SH3PXD2A: variants seen among roughly 807,000 people sequenced by gnomAD.
SH3PXD2A encodes the protein SH3 and PX domains 2A.
Under a neutral mutation model 115.2 loss-of-function variants are expected in SH3PXD2A, and 32 were observed. The observed-to-expected ratio is 0.28, with a 90% confidence interval of 0.21 to 0.37. The LOEUF (loss-of-function observed/expected upper bound fraction) is 0.37, where lower values mean the gene tolerates loss of function less well. SH3PXD2A is among the 10% of genes least tolerant of loss of function. SH3PXD2A has a pLI of 1.00. For missense variants in SH3PXD2A, 1,328 were observed against 1,498.7 expected (o/e 0.89, Z 1.88); for synonymous variants, 610 against 629.1 (o/e 0.97, Z 0.45).
At chr10:103,832,783 C>T (rs563614711) in intron 1 of SH3PXD2A, among the ~76,000 whole-genome samples, 1 of 152,040 alleles carries the variant, frequency 6.6e-6, no homozygotes, top group South Asian at 2.1e-4. Context: ...AGGAGATATA[C>T]CTAATGTAAA....
At chr10:103,714,939 C>T (rs2038088685) in intron 5 of SH3PXD2A, among the ~76,000 whole-genome samples, 1 of 152,202 alleles carries the variant, frequency 6.6e-6, no homozygotes, top group South Asian at 2.1e-4. Flanking sequence ...TTGGGATGCC[C>T]TGGAGTTTCC....
At chr10:103,758,855 CT>C (rs2038669810) in intron 3 of SH3PXD2A, among the ~76,000 whole-genome samples, 1 of 152,158 alleles carries the variant, frequency 6.6e-6, no homozygotes, top group Non-Finnish European at 1.5e-5. Context: ...CCTATTTTTC[CT>C]TCTCCATCAC....
chr10:103,839,644 C>T (rs1007848409), intron 1 of SH3PXD2A, among the ~76,000 whole-genome samples: 7 of 151,588 alleles, frequency 4.6e-5, no homozygotes, highest in Non-Finnish European at 4.4e-5. Flanking sequence ...CCAGAGGCCA[C>T]GCAGCCCCTG....
intron 11 of SH3PXD2A, among the ~76,000 whole-genome samples, chr10:103,615,483 G>GGGGTGT (rs1237824774): frequency 4.7e-4 from 60 of 128,598 alleles, no homozygotes; most frequent in African/African-American, 9.7e-4. Context: ...AGAGTGCGAG[G>GGGGTGT]GTGTGTGTGT....
At chr10:103,777,465 G>T (rs1028974186) in intron 2 of SH3PXD2A, among the ~76,000 whole-genome samples, 3 of 152,278 alleles carry the variant, frequency 2.0e-5, no homozygotes, top group African/African-American at 7.2e-5. Flanking sequence ...GAGGCCTCTG[G>T]CTTTCCCAGC....
chr10:103,724,339 TG>T lies in SH3PXD2A; in HGVS notation c.328del (p.His110ThrfsTer47). 8 of 1,581,536 alleles carry T rather than the reference TG, an allele frequency of 5.1e-6. No homozygotes were observed. Among genetic ancestry groups the T allele is most frequent in the South Asian group, 1.2e-5 (1 of 85,696 alleles). ...GAAGACTTCGTCACACTGTGAGATG[TG>T]GGGGGGCAGCCGGACAAGTGCCTGT... Reference protein sequence around the residue: ...YCRALVRLPPHISQCDEVFRF... With the variant: ...YCRALVRLPPXISQCDEVFRF... On this transcript the variant is annotated frameshift_variant, in exon 5 of 15. Coordinates refer to ENST00000369774, the MANE Select transcript of SH3PXD2A (RefSeq NM_001394015.1). LOFTEE classifies it high-confidence loss of function.
At chr10:103,846,471 C>A (rs1842849584) in intron 1 of SH3PXD2A, among the ~76,000 whole-genome samples, 1 of 152,206 alleles carries the variant, frequency 6.6e-6, no homozygotes, top group African/African-American at 2.4e-5. Flanking sequence ...GGTGGCTGGG[C>A]AGGTGAACCT....
Position 103,677,043 on chromosome 10 carries a change from A to C in SH3PXD2A, c.428-8391T>G, listed in dbSNP as rs368863667. On this transcript the variant is annotated intron_variant, in intron 6 of 14. Transcript: ENST00000369774. Reference sequence around the variant, plus strand: ...GCTGGTCTCCAGCCCCGAGTCTTGCAATCCGCCTCCTCCCTGGCTCAGTCT... The same window carrying C: ...GCTGGTCTCCAGCCCCGAGTCTTGCCATCCGCCTCCTCCCTGGCTCAGTCT... Among the ~76,000 whole-genome samples, 8 of 152,158 alleles carry C rather than the reference A, an allele frequency of 5.3e-5. No individual in the cohort carries two copies. The East Asian group carries it at 9.6e-4, about 18-fold the overall frequency.
chr10:103,691,061 G>A (rs1418065487), intron 6 of SH3PXD2A, among the ~76,000 whole-genome samples: 1 of 152,176 alleles, frequency 6.6e-6, no homozygotes, highest in East Asian at 1.9e-4. Context: ...CAGAAGCTGA[G>A]CCCCAGAGAT....
At chr10:103,645,331 T>G (rs1444372845) in intron 8 of SH3PXD2A, among the ~76,000 whole-genome samples, 2 of 152,204 alleles carry the variant, frequency 1.3e-5, no homozygotes, top group Non-Finnish European at 2.9e-5. Flanking sequence ...TCCTGTGCGG[T>G]GACTCAGCCT....
At position 103,769,134 on chromosome 10, in the gene SH3PXD2A, CTGTGTGTGTGTGTGTGTGTGTGTGTG is replaced by C. The variant is rs67426639; in HGVS notation, c.154-1991_154-1966del. 4.4e-4 allele frequency among the ~76,000 whole-genome samples: 63 copies of C among 142,014 alleles called. 1 individual carries two copies. The highest frequency in any genetic ancestry group is 1.6e-3 in the African/African-American group (62 of 38,072). The allele number at this position is 142,014 out of a possible 152,430, so 93.2% of individuals were successfully genotyped here. A position where few individuals can be genotyped will look rare whatever the true frequency, so the allele number is the denominator to read the frequency against. On this transcript the variant is annotated intron_variant, in intron 2 of 14. Transcript: ENST00000369774. ...CTATAGCATGGTTCTAGGCTAGACT[CTGTGTGTGTGTGTGTGTGTGTGTGTG>C]TGTGTGTGTGTGTGTGTGTGTGCGC...
chr10:103,847,313 T>C (rs1045930571), intron 1 of SH3PXD2A, among the ~76,000 whole-genome samples: 2 of 151,788 alleles, frequency 1.3e-5, no homozygotes, highest in Non-Finnish European at 2.9e-5. Flanking sequence ...CCTAGCTTTT[T>C]AGAATTTTTT....
intron 7 of SH3PXD2A, among the ~76,000 whole-genome samples, chr10:103,664,226 A>C (rs572311945): frequency 2.6e-4 from 39 of 152,340 alleles, no homozygotes; most frequent in Non-Finnish European, 4.9e-4. Flanking sequence ...GCACTGGATG[A>C]GAAGAGTGGG....
intron 6 of SH3PXD2A, chr10:103,678,024 G>T: frequency 1.1e-6 from 1 of 881,858 alleles, no homozygotes; most frequent in Non-Finnish European, 1.6e-6. Flanking sequence ...ACCCTGAAGG[G>T]CGTTGGCTCC....
chr10:103,648,040 G>A (rs545618787), intron 8 of SH3PXD2A, among the ~76,000 whole-genome samples: 2 of 152,116 alleles, frequency 1.3e-5, no homozygotes, highest in Admixed American at 1.3e-4. Flanking sequence ...ATCCCTGCCC[G>A]ACTTCCTTCC....
intron 6 of SH3PXD2A, chr10:103,677,983 G>T: frequency 3.6e-6 from 2 of 549,126 alleles, no homozygotes; most frequent in Non-Finnish European, 6.4e-6. Context: ...GGGCACAGTG[G>T]CTCCCGTGCA....
intron 2 of SH3PXD2A, among the ~76,000 whole-genome samples, chr10:103,791,909 A>C (rs1349734467): frequency 6.6e-6 from 1 of 152,154 alleles, no homozygotes; most frequent in Non-Finnish European, 1.5e-5. Context: ...GAGCCTGCCC[A>C]GAGGTGCCAG....
chr10:103,820,567 C>T lies in SH3PXD2A; in HGVS notation c.73-19205G>A, dbSNP rs1031394559. On this transcript the variant is annotated intron_variant, in intron 1 of 14. Coordinates refer to ENST00000369774, the MANE Select transcript of SH3PXD2A (RefSeq NM_001394015.1). ...TCATCCAAGCATTCCCTGGGGAGGG[C>T]GGCCCCCTCCCTCTGACCTCAGCCT... is the stretch of plus-strand genomic sequence containing the variant. Among the ~76,000 whole-genome samples, 5 of 152,224 alleles carry T rather than the reference C, an allele frequency of 3.3e-5. No homozygotes were observed. The East Asian group carries it at 7.7e-4, about 24-fold the overall frequency.
In SH3PXD2A at chr10:103,595,474, C is replaced by T. The variant is rs1303876972; in HGVS notation, c.*6342G>A. 2 of 152,266 alleles carry T rather than the reference C, an allele frequency of 1.3e-5. No homozygotes were observed. The highest frequency in any genetic ancestry group is 2.9e-5 in the Non-Finnish European group (2 of 68,054). The allele number at this position is 152,266 out of a possible 1,614,324, so 9.4% of individuals were successfully genotyped here. A position where few individuals can be genotyped will look rare whatever the true frequency, so the allele number is the denominator to read the frequency against. ...AAGGGACAGTAGGCCCCAGCTACCC[C>T]AAACATGCACATGCTCTTCTCACCA... On this transcript the variant is annotated 3_prime_UTR_variant, in exon 15 of 15. Transcript: ENST00000369774.
Sources: allele counts gnomAD v4.1 joint callset (sites outside exome capture counted in the v4.1 genomes callset), GRCh38; gene constraint gnomAD v4.1.1; transcripts MANE v1.5; gene names NCBI Gene and HGNC (gene_info 2026-07-23, HGNC 2026-07-21).